The following DIAPH2 variants were observed in gnomAD, a reference collection of about 807,000 sequenced individuals.
DIAPH2 encodes the protein protein diaphanous homolog 2.
DIAPH2 carries 35 observed loss-of-function variants against 92.7 expected under a neutral mutation model. The observed-to-expected ratio is 0.38, with a 90% CI of 0.29 to 0.50. The LOEUF (loss-of-function observed/expected upper bound fraction) is 0.50, where lower values mean the gene tolerates loss of function less well. Among genes scored for constraint, DIAPH2 ranks in the 20% least tolerant of loss-of-function variants. The pLI, the probability that DIAPH2 is intolerant of heterozygous loss-of-function variation, is 0.94. For missense variants in DIAPH2, 701 were observed against 819.5 expected (o/e 0.86, Z 1.77); for synonymous variants, 301 against 280.4 (o/e 1.07, Z -0.73).
At chrX:97,216,346 C>T (rs1370395373) in intron 22 of DIAPH2, among the ~76,000 whole-genome samples, 1 of 111,354 alleles carries the variant, frequency 9.0e-6, no homozygotes, top group African/African-American at 3.3e-5. Context: ...TGTCTGTTGC[C>T]CAGGCTGGAG....
chrX:97,517,451 C>T (rs2070957779), intron 26 of DIAPH2, among the ~76,000 whole-genome samples: 1 of 111,851 alleles, frequency 8.9e-6, no homozygotes, highest in South Asian at 3.8e-4. Flanking sequence ...GTCACTCTCA[C>T]CTGTAAGGCT....
intron 24 of DIAPH2, among the ~76,000 whole-genome samples, chrX:97,365,649 G>A (rs2069373095): frequency 9.3e-6 from 1 of 108,064 alleles, no homozygotes; most frequent in Middle Eastern, 4.7e-3. Context: ...CCCCTATTTG[G>A]TATGCTCATC....
chrX:96,726,352 G>A (rs925775467), intron 1 of DIAPH2, among the ~76,000 whole-genome samples: 1 of 111,610 alleles, frequency 9.0e-6, no homozygotes, highest in Non-Finnish European at 1.9e-5. Flanking sequence ...AGAAAAACCT[G>A]GTCCTTACTA....
At chrX:97,413,486 A>T (rs1162233053) in intron 25 of DIAPH2, among the ~76,000 whole-genome samples, 2 of 111,404 alleles carry the variant, frequency 1.8e-5, no homozygotes, top group African/African-American at 3.3e-5. Context: ...CCCTTTGAAA[A>T]CTGGCACAAG....
At chrX:97,390,097 A>C (rs534112232) in intron 25 of DIAPH2, among the ~76,000 whole-genome samples, 1 of 110,653 alleles carries the variant, frequency 9.0e-6, no homozygotes, top group South Asian at 3.9e-4. Context: ...TAAGTACCGA[A>C]CAACTATGAG....
At chrX:97,463,105 T>C (rs891789939) in intron 26 of DIAPH2, among the ~76,000 whole-genome samples, 2 of 110,349 alleles carry the variant, frequency 1.8e-5, no homozygotes, top group Non-Finnish European at 3.8e-5. Context: ...GGATCTTTGC[T>C]CTCCTTTCAA....
At chrX:97,561,624 A>G (rs184502632) in intron 26 of DIAPH2, among the ~76,000 whole-genome samples, 298 of 112,570 alleles carry the variant, frequency 2.6e-3, no homozygotes, top group African/African-American at 9.0e-3. Context: ...AGCATCAAAC[A>G]GGCCTTTCCC....
intron 19 of DIAPH2, among the ~76,000 whole-genome samples, chrX:97,080,928 G>A (rs1300179627): frequency 8.9e-6 from 1 of 111,777 alleles, no homozygotes; most frequent in Non-Finnish European, 1.9e-5. Flanking sequence ...TGTATTTTAT[G>A]CAGGCTTGTG....
intron 21 of DIAPH2, 138 bp from the exon 22 acceptor site, chrX:97,141,527 G>A (rs1160781643): frequency 1.1e-5 from 6 of 538,030 alleles, no homozygotes; most frequent in South Asian, 5.5e-5. Context: ...CTAGAGCACC[G>A]CTACTAGACC....
intron 17 of DIAPH2, among the ~76,000 whole-genome samples, chrX:97,061,542 C>T (rs1419224868): frequency 1.8e-5 from 2 of 111,510 alleles, no homozygotes; most frequent in African/African-American, 6.5e-5. Context: ...GACACAGTGG[C>T]TTACGCCTGT....
chrX:97,194,503 C>G (rs1326038874), intron 22 of DIAPH2, among the ~76,000 whole-genome samples: 2 of 109,637 alleles, frequency 1.8e-5, no homozygotes, highest in African/African-American at 6.6e-5. Context: ...CCAGGATGGT[C>G]TCGATCTCCC....
intron 26 of DIAPH2, among the ~76,000 whole-genome samples, chrX:97,451,381 C>T (rs189192117): frequency 3.6e-5 from 4 of 111,315 alleles, no homozygotes; most frequent in African/African-American, 9.8e-5. Flanking sequence ...ATGTGATATC[C>T]ATTACATTTG....
chrX:97,278,386 T>C (rs1239739527), intron 23 of DIAPH2, among the ~76,000 whole-genome samples: 1 of 111,580 alleles, frequency 9.0e-6, no homozygotes, highest in African/African-American at 3.3e-5. Flanking sequence ...GTTATACATA[T>C]ATGGGTTTTG....
At chrX:96,925,163 T>C (rs114172630) in intron 9 of DIAPH2, among the ~76,000 whole-genome samples, 4,583 of 110,204 alleles carry the variant, frequency 0.042, 251 homozygotes, top group African/African-American at 0.14. Context: ...CTTCTCTTCC[T>C]CCCAACTCAC....
chrX:96,946,284 G>C (rs1420594954), intron 14 of DIAPH2, among the ~76,000 whole-genome samples: 1 of 111,438 alleles, frequency 9.0e-6, no homozygotes, highest in Non-Finnish European at 1.9e-5. Context: ...TCTACCACAA[G>C]TTTCTCTTTT....
intron 26 of DIAPH2, among the ~76,000 whole-genome samples, chrX:97,572,942 G>A (rs1221307290): frequency 8.9e-6 from 1 of 112,013 alleles, no homozygotes; most frequent in Admixed American, 9.5e-5. Flanking sequence ...TGTGTGCCCA[G>A]CATGGATCTT....
chrX:97,228,265 G>A (rs772864605), intron 22 of DIAPH2, among the ~76,000 whole-genome samples: 15 of 111,341 alleles, frequency 1.3e-4, no homozygotes, highest in Admixed American at 3.8e-4. Context: ...GCAGGTGCAC[G>A]CAGCAAATCT....
chrX:97,165,436 C>T (rs1456911874), intron 22 of DIAPH2, among the ~76,000 whole-genome samples: 1 of 111,706 alleles, frequency 9.0e-6, no homozygotes, highest in Non-Finnish European at 1.9e-5. Context: ...TGTTTGTAAA[C>T]ATTTTATTTT....
intron 4 of DIAPH2, among the ~76,000 whole-genome samples, chrX:96,870,074 G>A (rs1387384126): frequency 9.0e-6 from 1 of 110,998 alleles, no homozygotes; most frequent in Non-Finnish European, 1.9e-5. Flanking sequence ...TATAGCCTGG[G>A]TTCTAGCCTT....
Sources: allele counts gnomAD v4.1 joint callset (sites outside exome capture counted in the v4.1 genomes callset), GRCh38; gene constraint gnomAD v4.1.1; transcripts MANE v1.5; gene names NCBI Gene and HGNC (gene_info 2026-07-23, HGNC 2026-07-21).